Variants in MEIKIN observed in about 807,000 individuals in gnomAD.
MEIKIN encodes meiotic kinetochore factor, also known as meiosis-specific kinetochore protein.
intron 11 of MEIKIN, among the ~76,000 whole-genome samples, chr5:131,820,968 T>C (rs1749487450): frequency 6.6e-6 from 1 of 152,170 alleles, no homozygotes. Flanking sequence ...TTTTGTTTTG[T>C]TGATCTTTTG....
chr5:131,931,634 G>C (rs1751695637), intron 5 of MEIKIN, among the ~76,000 whole-genome samples: 1 of 152,166 alleles, frequency 6.6e-6, no homozygotes, highest in African/African-American at 2.4e-5. Context: ...TAGGAATTAT[G>C]GTGAGGATGT....
intron 8 of MEIKIN, among the ~76,000 whole-genome samples, chr5:131,879,548 T>C (rs1297159772): frequency 6.6e-6 from 1 of 152,262 alleles, no homozygotes; most frequent in African/African-American, 2.4e-5. Context: ...GCCTGTTTCA[T>C]CAAAAACTTT....
chr5:131,831,344 G>A (rs1183104169), intron 11 of MEIKIN, among the ~76,000 whole-genome samples: 3 of 152,152 alleles, frequency 2.0e-5, no homozygotes, highest in Non-Finnish European at 2.9e-5. Flanking sequence ...GAGGTCAGGA[G>A]TTTGAGACCA....
intron 8 of MEIKIN, among the ~76,000 whole-genome samples, chr5:131,908,658 T>C (rs1358643044): frequency 1.3e-5 from 2 of 152,166 alleles, no homozygotes; most frequent in Non-Finnish European, 2.9e-5. Flanking sequence ...GCAGATGACA[T>C]GGTCTTATAC....
chr5:131,865,587 C>G (rs1413345294), intron 9 of MEIKIN, among the ~76,000 whole-genome samples: 1 of 152,174 alleles, frequency 6.6e-6, no homozygotes, highest in Non-Finnish European at 1.5e-5. Flanking sequence ...GTCATATTTC[C>G]TTGCTTTTTC....
intron 9 of MEIKIN, among the ~76,000 whole-genome samples, chr5:131,872,560 C>T (rs1169813642): frequency 3.3e-5 from 5 of 152,216 alleles, no homozygotes; most frequent in African/African-American, 1.2e-4. Flanking sequence ...TGGAACCAAG[C>T]TGGAAAACAC....
chr5:131,838,058 A>C (rs1302196325), intron 11 of MEIKIN, among the ~76,000 whole-genome samples: 1 of 152,150 alleles, frequency 6.6e-6, no homozygotes, highest in Admixed American at 6.5e-5. Context: ...GATAATTTTT[A>C]ACATGAAGTG....
chr5:131,854,648 A>T (rs1006920199), intron 10 of MEIKIN, 106 bp downstream of exon 10: 1 of 392,880 alleles, frequency 2.5e-6, no homozygotes, highest in East Asian at 3.6e-5. Context: ...AAAAACACAG[A>T]TATTATTCTC....
chr5:131,928,283 C>T (rs1026390022), intron 5 of MEIKIN, among the ~76,000 whole-genome samples: 1 of 151,998 alleles, frequency 6.6e-6, no homozygotes, highest in African/African-American at 2.4e-5. Context: ...TAGGTAAGGA[C>T]TTAACTATTG....
At chr5:131,818,121 G>A (rs1561721346) in intron 12 of MEIKIN, among the ~76,000 whole-genome samples, 1 of 152,048 alleles carries the variant, frequency 6.6e-6, no homozygotes, top group Admixed American at 6.6e-5. Flanking sequence ...ATGTAAAATG[G>A]GAATAACAGT....
intron 11 of MEIKIN, among the ~76,000 whole-genome samples, chr5:131,821,656 T>G (rs1384487783): frequency 7.0e-6 from 1 of 142,668 alleles, no homozygotes; most frequent in African/African-American, 2.8e-5. Flanking sequence ...TTTTTTTTTT[T>G]GCGAGACAAG....
chr5:131,831,839 A>C (rs1423203951), intron 11 of MEIKIN, among the ~76,000 whole-genome samples: 1 of 152,130 alleles, frequency 6.6e-6, no homozygotes, highest in African/African-American at 2.4e-5. Flanking sequence ...ACCCCTGATA[A>C]ACTCATCAGA....
In MEIKIN at chr5:131,927,742, T is replaced by G. The variant is rs1393741069; in HGVS notation, c.478+5771A>C. ...TTGTCTCTCATGACTGTTTTTGATT[T>G]AAAGTCTATCTTGTCTGACATAAAT... On this transcript the variant is annotated intron_variant, in intron 5 of 12. Transcript: ENST00000442687. Among the ~76,000 whole-genome samples the G allele has an allele frequency of 2.0e-5, 3 of 152,250 alleles. No individual in the cohort carries two copies. The East Asian group carries it at 5.8e-4, about 29-fold the overall frequency.
chr5:131,866,136 T>A (rs954560900), intron 9 of MEIKIN, among the ~76,000 whole-genome samples: 8 of 152,200 alleles, frequency 5.3e-5, no homozygotes, highest in Admixed American at 5.2e-4. Flanking sequence ...GAAAATCCAC[T>A]GGAACTCAGT....
chr5:131,812,149 A>T (rs951598888), intron 12 of MEIKIN, among the ~76,000 whole-genome samples: 42 of 152,314 alleles, frequency 2.8e-4, no homozygotes, highest in African/African-American at 1.0e-3. Context: ...AATATTAAAT[A>T]TACTCTACTG....
At chr5:131,938,307 A>G (rs761170874) in intron 4 of MEIKIN, among the ~76,000 whole-genome samples, 1 of 151,732 alleles carries the variant, frequency 6.6e-6, no homozygotes, top group African/African-American at 2.4e-5. Context: ...AGCTGAGATT[A>G]GAGGTGCACA....
intron 5 of MEIKIN, among the ~76,000 whole-genome samples, chr5:131,931,311 C>G (rs189857215): frequency 6.6e-6 from 1 of 152,170 alleles, no homozygotes; most frequent in Non-Finnish European, 1.5e-5. Flanking sequence ...CTTTCTCTCC[C>G]GAGGGAGAAG....
At chr5:131,875,315 T>A (rs1447291286) in intron 9 of MEIKIN, among the ~76,000 whole-genome samples, 1 of 152,186 alleles carries the variant, frequency 6.6e-6, no homozygotes, top group African/African-American at 2.4e-5. Context: ...ACAAAATCAA[T>A]GTACAAAAAT....
At chr5:131,929,193 G>A (rs1290636598) in intron 5 of MEIKIN, among the ~76,000 whole-genome samples, 1 of 152,210 alleles carries the variant, frequency 6.6e-6, no homozygotes, top group East Asian at 1.9e-4. Flanking sequence ...CCCTGTACAT[G>A]TCAAGTCACT....
Sources: allele counts gnomAD v4.1 joint callset (sites outside exome capture counted in the v4.1 genomes callset), GRCh38; gene constraint gnomAD v4.1.1; transcripts MANE v1.5; gene names NCBI Gene and HGNC (gene_info 2026-07-23, HGNC 2026-07-21).